The following SLC5A8 variants were observed in gnomAD, a reference collection of about 807,000 sequenced individuals.
The protein encoded by SLC5A8 is solute carrier family 5 member 8.
Under a neutral mutation model 71.9 loss-of-function variants are expected in SLC5A8, and 55 were observed. The ratio of observed to expected loss-of-function variants is 0.77; its 90% CI spans 0.62 to 0.96. SLC5A8 has a LOEUF of 0.96. SLC5A8 is among the 40% of genes least tolerant of loss of function. SLC5A8 has a pLI of 0.00. For synonymous variants in SLC5A8, 307 were observed against 276.1 expected (o/e 1.11, Z -1.11); for missense variants, 701 against 745.3 (o/e 0.94, Z 0.69).
intron 6 of SLC5A8, among the ~76,000 whole-genome samples, chr12:101,188,412 C>A (rs1868754771): frequency 6.6e-6 from 1 of 152,118 alleles, no homozygotes; most frequent in South Asian, 2.1e-4. Flanking sequence ...TGATGAGCTG[C>A]CCGAGGTGGA....
rs1869862144 is a variant in SLC5A8, at chr12:101,209,964, G to C, written c.-116C>G. 4.2e-6 allele frequency: 4 copies of C among 953,644 alleles called. No homozygotes were observed. The Admixed American group carries it at 1.1e-4, about 25-fold the overall frequency. The allele number at this position is 953,644 out of a possible 1,614,324, so 59.1% of individuals were successfully genotyped here. A position where few individuals can be genotyped will look rare whatever the true frequency, so the allele number is the denominator to read the frequency against. On this transcript the variant is annotated 5_prime_UTR_variant, in exon 1 of 15. Transcript: ENST00000536262. The stretch of plus-strand genomic sequence containing the variant: ...GGCGCGCAGGCGTGGCGTCCCGCGG[G>C]GACTGGAGGCGTCCTCCAGGTGTCG...
At chr12:101,185,857 C>T (rs920422409) in intron 7 of SLC5A8, among the ~76,000 whole-genome samples, 5 of 152,146 alleles carry the variant, frequency 3.3e-5, no homozygotes, top group Admixed American at 2.6e-4. Context: ...AGATTACAGG[C>T]GTGAGCCACC....
rs890657767 is a variant in SLC5A8, at chr12:101,156,572, A to G, written c.*707T>C. On this transcript the variant is annotated 3_prime_UTR_variant, in exon 15 of 15. Coordinates refer to ENST00000536262, the MANE Select transcript of SLC5A8 (RefSeq NM_145913.5). ...AGGTCAGAAACTGGGCATGCAGATA[A>G]AAATTACAGTCTAAGAAAGGCAGTA... 1 of 152,206 alleles carries G rather than the reference A, an allele frequency of 6.6e-6. No homozygotes were observed. Among genetic ancestry groups the G allele is most frequent in the Non-Finnish European group, 1.5e-5 (1 of 68,052 alleles). 9.4% of individuals were successfully genotyped at this position (152,206 alleles called of 1,614,324 possible). A position where few individuals can be genotyped will look rare whatever the true frequency, so the allele number is the denominator to read the frequency against.
chr12:101,179,941 A>G (rs116955392), intron 10 of SLC5A8, 88 bp downstream of exon 10: 5 of 1,385,274 alleles, frequency 3.6e-6, no homozygotes, highest in Middle Eastern at 1.8e-4. Context: ...GTCGATATAT[A>G]TCGAGAGAAG....
intron 13 of SLC5A8, 90 bp downstream of exon 13, chr12:101,161,884 C>T (rs894494706): frequency 1.3e-5 from 12 of 932,018 alleles, no homozygotes; most frequent in Non-Finnish European, 1.9e-5. Context: ...GCAATAGGAT[C>T]ATAGTAAAAT....
chr12:101,189,669 T>C (rs887418400), intron 6 of SLC5A8, among the ~76,000 whole-genome samples: 24 of 152,150 alleles, frequency 1.6e-4, no homozygotes, highest in Admixed American at 9.2e-4. Flanking sequence ...TTCTGGACCA[T>C]GCTGTCCTTC....
chr12:101,161,104 C>T (rs187547881), intron 13 of SLC5A8, among the ~76,000 whole-genome samples: 7 of 152,290 alleles, frequency 4.6e-5, no homozygotes, highest in East Asian at 1.9e-4. Flanking sequence ...AAAATTCAGA[C>T]ATCCTCTCAG....
intron 6 of SLC5A8, 24 bp from the exon 7 acceptor site, chr12:101,187,539 C>T: frequency 6.3e-7 from 1 of 1,591,744 alleles, no homozygotes; most frequent in Non-Finnish European, 8.6e-7. Flanking sequence ...AACAAACCAG[C>T]AAAAGACAAC....
At chr12:101,170,506 C>T (rs2137130134) in intron 10 of SLC5A8, among the ~76,000 whole-genome samples, 2 of 152,176 alleles carry the variant, frequency 1.3e-5, no homozygotes, top group Middle Eastern at 3.4e-3. Flanking sequence ...GTATCCCAGC[C>T]TGAGAACTGA....
chr12:101,156,898 C>A lies in SLC5A8; in HGVS notation c.*381G>T. ...ATGAATTGTGATGTTGGCAAACTTC[C>A]AAACTTATATGCTAGCACCAAGGCA... On this transcript the variant is annotated 3_prime_UTR_variant, in exon 15 of 15. Transcript: ENST00000536262. The A allele has an allele frequency of 5.9e-6, 1 of 168,672 alleles. No individual in the cohort carries two copies. Among genetic ancestry groups the A allele is most frequent in the Non-Finnish European group, 1.3e-5 (1 of 77,938 alleles). The allele number at this position is 168,672 out of a possible 1,614,324, so 10.4% of individuals were successfully genotyped here. A position where few individuals can be genotyped will look rare whatever the true frequency, so the allele number is the denominator to read the frequency against.
chr12:101,204,392 A>C, intron 2 of SLC5A8, 108 bp downstream of exon 2: 1 of 941,290 alleles, frequency 1.1e-6, no homozygotes, highest in Non-Finnish European at 1.6e-6. Flanking sequence ...TCATTTTTTC[A>C]ACATCTCTTT....
Position 101,182,844 on chromosome 12 carries a change from G to A in SLC5A8, c.1124C>T (p.Ser375Leu), listed in dbSNP as rs773903392. The A allele has an allele frequency of 1.1e-5, 18 of 1,594,566 alleles. No homozygotes were observed. The highest frequency in any genetic ancestry group is 6.9e-5 in the East Asian group (3 of 43,284). The change falls in exon 9 of 15, where the codon TCG becomes TTG. Residue 375 changes from serine (S) to leucine (L), a missense_variant. By Grantham distance (145) the Ser-to-Leu change is moderately radical (BLOSUM62 -2). Coordinates refer to ENST00000536262, the MANE Select transcript of SLC5A8 (RefSeq NM_145913.5). ...VEDLIKPYFRSLSERSLSWIS... is the reference protein window; with the variant it reads ...VEDLIKPYFRLLSERSLSWIS... ...CCAAGACAGAGACCTTTCTGAGAGC[G>A]ATCTGAAGTAAGGTTTGATTAGATC...
intron 8 of SLC5A8, 120 bp from the exon 9 acceptor site, chr12:101,183,035 C>CTCTTTTTT (rs1868439287): frequency 1.4e-5 from 1 of 73,518 alleles, no homozygotes; most frequent in Admixed American, 2.0e-4. Context: ...TTCTACTATG[C>CTCTTTTTT]TTTTTTTTTT....
Position 101,168,162 on chromosome 12 carries a change from A to G in SLC5A8, c.1254T>C (p.Gly418=), listed in dbSNP as rs9634221. ...ALLQAALSVF[G]MVGGPLMGLF... ...GGCCCATAAGTGGTCCACCAACCAT[A>G]CCAAATACGCTGAGTGCTGCCTACA... Residue 418 remains glycine (G), a synonymous_variant, in exon 11 of 15, where the codon GGT becomes GGC. Coordinates refer to ENST00000536262, the MANE Select transcript of SLC5A8 (RefSeq NM_145913.5). 1 of 1,607,744 alleles carries G rather than the reference A, an allele frequency of 6.2e-7. No homozygotes were observed. Among genetic ancestry groups the G allele is most frequent in the Non-Finnish European group, 8.5e-7 (1 of 1,176,826 alleles).
In SLC5A8 at chr12:101,190,539, G is replaced by T. The variant is rs750389675; in HGVS notation, c.762C>A (p.Thr254=). ...TIIIGGTFTW[T]SIYGVNQSQV... is the part of the protein sequence containing the mutation. Reference sequence around the variant, plus strand: ...GGGATTGGTTGACACCGTAGATGCTGGTCCATGTGAAGGTCCCTCCTATAA... The same window carrying T: ...GGGATTGGTTGACACCGTAGATGCTTGTCCATGTGAAGGTCCCTCCTATAA... Residue 254 remains threonine (T), a synonymous_variant, in exon 6 of 15, where the codon ACC becomes ACA. Coordinates refer to ENST00000536262, the MANE Select transcript of SLC5A8 (RefSeq NM_145913.5). 1.9e-6 allele frequency: 3 copies of T among 1,613,098 alleles called. No individual in the cohort carries two copies. Among genetic ancestry groups the T allele is most frequent in the Non-Finnish European group, 2.5e-6 (3 of 1,179,650 alleles).
chr12:101,207,951 G>A (rs1056939480), intron 1 of SLC5A8, among the ~76,000 whole-genome samples: 6 of 152,034 alleles, frequency 3.9e-5, no homozygotes, highest in Non-Finnish European at 7.4e-5. Context: ...CTTCAATATA[G>A]AAGTTTAATA....
intron 5 of SLC5A8, among the ~76,000 whole-genome samples, chr12:101,192,902 C>CT (rs546151360): frequency 0.013 from 1,874 of 139,672 alleles, 35 homozygotes; most frequent in African/African-American, 0.044. Flanking sequence ...GTCTCTGTCT[C>CT]TTTTTTTTTT....
At chr12:101,173,540 G>A (rs920353542) in intron 10 of SLC5A8, among the ~76,000 whole-genome samples, 12 of 152,300 alleles carry the variant, frequency 7.9e-5, no homozygotes, top group African/African-American at 2.4e-4. Flanking sequence ...AGGTGAGCCC[G>A]CGTGACTTGG....
At chr12:101,158,201 G>C (rs1432173596) in intron 14 of SLC5A8, 48 bp downstream of exon 14, 1 of 1,287,182 alleles carries the variant, frequency 7.8e-7, no homozygotes. Context: ...TTCTATCCAG[G>C]TAATAAAGCC....
Sources: allele counts gnomAD v4.1 joint callset (sites outside exome capture counted in the v4.1 genomes callset), GRCh38; gene constraint gnomAD v4.1.1; transcripts MANE v1.5; gene names NCBI Gene and HGNC (gene_info 2026-07-23, HGNC 2026-07-21).